The following PTPRT variants were observed in gnomAD, a reference collection of about 807,000 sequenced individuals.
The protein encoded by PTPRT is protein tyrosine phosphatase receptor type T.
PTPRT carries 56 observed loss-of-function variants against 176.8 expected under a neutral mutation model. That is an observed-to-expected ratio of 0.32 (90% CI 0.26 to 0.40). The LOEUF is 0.40. Ranked by LOEUF, PTPRT falls within the 10% of genes least tolerant of loss-of-function variation. The pLI is 1.00. For synonymous variants in PTPRT, 783 were observed against 739.0 expected, an observed-to-expected ratio of 1.06 and a Z score of -0.96; for missense variants, 1,540 against 1,908.2, an observed-to-expected ratio of 0.81 and a Z score of 3.60.
chr20:42,983,178 C>A (rs1021521325), intron 1 of PTPRT, among the ~76,000 whole-genome samples: 1 of 152,178 alleles, frequency 6.6e-6, no homozygotes, highest in Non-Finnish European at 1.5e-5. Flanking sequence ...TTCAGGGAGC[C>A]CCAAAAGAGA....
chr20:42,762,905 A>G (rs1228842994), intron 5 of PTPRT, among the ~76,000 whole-genome samples: 3 of 152,206 alleles, frequency 2.0e-5, no homozygotes, highest in Non-Finnish European at 2.9e-5. Context: ...TTGCTCTTTA[A>G]AAACAACTCA....
At chr20:42,874,433 C>A (rs1168287844) in intron 2 of PTPRT, among the ~76,000 whole-genome samples, 2 of 142,444 alleles carry the variant, frequency 1.4e-5, no homozygotes, top group Non-Finnish European at 3.1e-5. Flanking sequence ...AGAAGACATC[C>A]TCTCCTCAAA....
At chr20:42,436,456 A>G (rs1324767987) in intron 9 of PTPRT, among the ~76,000 whole-genome samples, 1 of 152,206 alleles carries the variant, frequency 6.6e-6, no homozygotes, top group Non-Finnish European at 1.5e-5. Flanking sequence ...TACCTCATTA[A>G]TAATAGAGGG....
At chr20:42,127,929 T>A (rs1168224630) in intron 19 of PTPRT, among the ~76,000 whole-genome samples, 3 of 152,210 alleles carry the variant, frequency 2.0e-5, no homozygotes, top group African/African-American at 7.2e-5. Context: ...ATGCCAAAGC[T>A]CAGTTCTAAG....
intron 5 of PTPRT, among the ~76,000 whole-genome samples, chr20:42,763,369 C>A (rs2076941904): frequency 6.6e-6 from 1 of 152,070 alleles, no homozygotes; most frequent in East Asian, 1.9e-4. Flanking sequence ...TGGTTTTGCA[C>A]AACAGATACT....
chr20:42,729,695 A>G (rs2076432140), intron 6 of PTPRT, among the ~76,000 whole-genome samples: 1 of 152,252 alleles, frequency 6.6e-6, no homozygotes, highest in Admixed American at 6.5e-5. Flanking sequence ...TGTGAGACAC[A>G]GGATTGCACT....
intron 13 of PTPRT, among the ~76,000 whole-genome samples, chr20:42,269,754 G>A (rs1374032305): frequency 3.9e-5 from 6 of 152,180 alleles, no homozygotes; most frequent in Admixed American, 2.6e-4. Flanking sequence ...GGTCTACAAC[G>A]TAAATGGTGC....
At chr20:42,531,708 C>T (rs1226004983) in intron 7 of PTPRT, among the ~76,000 whole-genome samples, 2 of 152,230 alleles carry the variant, frequency 1.3e-5, no homozygotes, top group African/African-American at 4.8e-5. Context: ...ACTCCCAGTG[C>T]TCCGGGAAGT....
chr20:42,173,612 T>A (rs1022689540), intron 16 of PTPRT, among the ~76,000 whole-genome samples: 2 of 152,200 alleles, frequency 1.3e-5, no homozygotes, highest in South Asian at 2.1e-4. Flanking sequence ...TGAAAGGTCG[T>A]TGAGTTTGCC....
At chr20:42,505,009 C>A (rs948537748) in intron 7 of PTPRT, among the ~76,000 whole-genome samples, 2 of 152,036 alleles carry the variant, frequency 1.3e-5, no homozygotes, top group Non-Finnish European at 2.9e-5. Flanking sequence ...AGCATACCTA[C>A]GATATACTAT....
rs527750083 is a variant in PTPRT at position 42,998,928 on chromosome 20, T to C, written c.89-112996A>G. Among the ~76,000 whole-genome samples, 5 of 152,292 alleles carry C rather than the reference T, an allele frequency of 3.3e-5. No homozygotes were observed. In the South Asian group the frequency reaches 8.3e-4, roughly 25 times the overall value. On this transcript the variant is annotated intron_variant, in intron 1 of 30. Transcript: ENST00000373187. ...GGGGATATTTCTGTCTACATAAGTGTGTATGCAGGGAGAGATGCTACAGCC... is the reference window on the plus strand; with the variant it reads ...GGGGATATTTCTGTCTACATAAGTGCGTATGCAGGGAGAGATGCTACAGCC...
intron 16 of PTPRT, among the ~76,000 whole-genome samples, chr20:42,197,092 T>A (rs368407678): frequency 2.5e-4 from 38 of 152,060 alleles, no homozygotes; most frequent in African/African-American, 8.9e-4. Context: ...TTTAAAAAAA[T>A]GTCAAGGCTG....
chr20:42,126,006 A>G (rs1168762121), intron 19 of PTPRT, among the ~76,000 whole-genome samples: 1 of 127,910 alleles, frequency 7.8e-6, no homozygotes, highest in African/African-American at 3.0e-5. Flanking sequence ...TGTGTTGGCT[A>G]CAAGGCGGTG....
At chr20:42,712,969 T>C (rs111814758) in intron 6 of PTPRT, among the ~76,000 whole-genome samples, 232 of 152,302 alleles carry the variant, frequency 1.5e-3, no homozygotes, top group African/African-American at 5.4e-3. Context: ...AAGCTCTTTA[T>C]GTCTGAATGC....
intron 7 of PTPRT, among the ~76,000 whole-genome samples, chr20:42,661,260 A>G (rs971110416): frequency 6.6e-6 from 1 of 152,184 alleles, no homozygotes; most frequent in African/African-American, 2.4e-5. Flanking sequence ...ATGATGAGTT[A>G]ACTAGTTCAC....
At chr20:42,064,492 G>A in the PTPRT span, among the ~76,000 whole-genome samples, 2 of 151,994 alleles carry the variant, frequency 1.3e-5, no homozygotes, top group Non-Finnish European at 2.9e-5. Flanking sequence ...TGTATTTTGT[G>A]CTGCTATTGT....
At chr20:42,903,295 C>A (rs1337281786) in intron 1 of PTPRT, among the ~76,000 whole-genome samples, 1 of 152,200 alleles carries the variant, frequency 6.6e-6, no homozygotes, top group Non-Finnish European at 1.5e-5. Flanking sequence ...AATCCATATT[C>A]CCTACAGTTG....
chr20:43,065,529 T>C (rs2011105618), intron 1 of PTPRT, among the ~76,000 whole-genome samples: 1 of 151,946 alleles, frequency 6.6e-6, no homozygotes, highest in Non-Finnish European at 1.5e-5. Context: ...GGGGAGGGAG[T>C]GTCTCACAGA....
chr20:42,033,328 T>G, the PTPRT span, among the ~76,000 whole-genome samples: 167 of 152,358 alleles, frequency 1.1e-3, no homozygotes, highest in East Asian at 0.028. Context: ...GGTTTTAATT[T>G]TATTCTTCTA....
Sources: allele counts gnomAD v4.1 joint callset (sites outside exome capture counted in the v4.1 genomes callset), GRCh38; gene constraint gnomAD v4.1.1; transcripts MANE v1.5; gene names NCBI Gene and HGNC (gene_info 2026-07-23, HGNC 2026-07-21).